TSPAN12: variants seen among roughly 807,000 people sequenced by gnomAD.
TSPAN12 encodes the protein tetraspanin 12.
A neutral mutation model predicts 39.2 loss-of-function variants in TSPAN12; 19 were observed. That is an observed-to-expected ratio of 0.49 (90% CI 0.34 to 0.71). The LOEUF (loss-of-function observed/expected upper bound fraction) is 0.71. Among genes scored for constraint, TSPAN12 ranks in the 30% least tolerant of loss-of-function variants. The pLI is 0.01. For synonymous variants in TSPAN12, 119 were observed against 124.8 expected, an observed-to-expected ratio of 0.95 and a Z score of 0.31; for missense variants, 314 against 359.9, an observed-to-expected ratio of 0.87 and a Z score of 1.03.
chr7:120,825,491 T>C (rs1245354972), intron 4 of TSPAN12, among the ~76,000 whole-genome samples: 7 of 152,188 alleles, frequency 4.6e-5, no homozygotes, highest in Admixed American at 4.6e-4. Flanking sequence ...CCTATCTACA[T>C]GCTACATAGC....
chr7:120,835,959 A>C (rs1167209752), intron 4 of TSPAN12, among the ~76,000 whole-genome samples: 2 of 152,190 alleles, frequency 1.3e-5, no homozygotes, highest in African/African-American at 4.8e-5. Flanking sequence ...AAAAAGCAAA[A>C]AATGGCAGAT....
intron 7 of TSPAN12, among the ~76,000 whole-genome samples, chr7:120,806,194 G>T (rs1793869985): frequency 6.6e-6 from 1 of 151,860 alleles, no homozygotes; most frequent in Admixed American, 6.6e-5. Flanking sequence ...TACGTATTCT[G>T]TCCAGGAACT....
intron 2 of TSPAN12, among the ~76,000 whole-genome samples, chr7:120,853,491 T>C (rs1422406357): frequency 7.0e-6 from 1 of 143,074 alleles, no homozygotes. Context: ...TATATATATA[T>C]ATACACACAC....
Position 120,815,759 on chromosome 7 carries a change from A to G in TSPAN12, c.330T>C (p.Cys110=). 1.2e-6 allele frequency: 2 copies of G among 1,613,118 alleles called. No homozygotes were observed. The highest frequency in any genetic ancestry group is 8.5e-7 in the Non-Finnish European group (1 of 1,179,626). ...LLVIFCVELA[C]GVWTYEQELM... ...GTTCCTGTTCATATGTCCAAACGCC[A>G]CAAGCCAGTTCTACACAGAAAATGA... Residue 110 remains cysteine (C), a synonymous_variant, in exon 5 of 8, where the codon TGT becomes TGC. Transcript: ENST00000222747.
chr7:120,825,246 T>C (rs1482897500), intron 4 of TSPAN12, among the ~76,000 whole-genome samples: 2 of 152,126 alleles, frequency 1.3e-5, no homozygotes, highest in Non-Finnish European at 2.9e-5. Flanking sequence ...AAGTAAAAAG[T>C]ATAAACAACA....
At chr7:120,817,426 G>A (rs138802377) in intron 4 of TSPAN12, among the ~76,000 whole-genome samples, 12 of 151,836 alleles carry the variant, frequency 7.9e-5, no homozygotes, top group African/African-American at 2.4e-4. Flanking sequence ...CCACATAGCC[G>A]AGGGTGGAAT....
At chr7:120,806,785 C>T (rs1472849104) in intron 6 of TSPAN12, 93 bp from the exon 7 acceptor site, 2 of 1,499,226 alleles carry the variant, frequency 1.3e-6, no homozygotes, top group African/African-American at 1.4e-5. Flanking sequence ...AATTTTTGTA[C>T]CCAGAGCTAT....
At position 120,810,540 on chromosome 7, in the gene TSPAN12, A is replaced by G; in HGVS notation, c.391T>C (p.Leu131=). Residue 131 remains leucine (L), a synonymous_variant, in exon 6 of 8, where the codon TTG becomes CTG. Coordinates refer to ENST00000222747, the MANE Select transcript of TSPAN12 (RefSeq NM_012338.4). ...CCATAATTTGTCATCCTGGCTTTCA[A>G]AGTGACCATATCTGACCATTGTACT... ...VPVQWSDMVT[L]KARMTNYGLP... The G allele has an allele frequency of 6.2e-7, 1 of 1,613,752 alleles. No individual in the cohort carries two copies. Among genetic ancestry groups the G allele is most frequent in the Non-Finnish European group, 8.5e-7 (1 of 1,179,844 alleles).
At chr7:120,855,201 G>A (rs1794848830) in intron 2 of TSPAN12, among the ~76,000 whole-genome samples, 1 of 152,112 alleles carries the variant, frequency 6.6e-6, no homozygotes, top group Non-Finnish European at 1.5e-5. Context: ...ACTCAGTAAG[G>A]GTCAAGTGAA....
chr7:120,838,288 T>TA (rs1794515406), intron 4 of TSPAN12, among the ~76,000 whole-genome samples: 1 of 152,278 alleles, frequency 6.6e-6, no homozygotes, highest in Admixed American at 6.5e-5. Flanking sequence ...CTCTCAGAGT[T>TA]AAAAAAACAA....
At chr7:120,792,814 A>T (rs1379038109) in intron 7 of TSPAN12, among the ~76,000 whole-genome samples, 1 of 152,262 alleles carries the variant, frequency 6.6e-6, no homozygotes, top group Non-Finnish European at 1.5e-5. Context: ...GTCACATTAT[A>T]TTATTTAAAA....
At chr7:120,818,152 G>C (rs1794120324) in intron 4 of TSPAN12, among the ~76,000 whole-genome samples, 1 of 152,062 alleles carries the variant, frequency 6.6e-6, no homozygotes, top group Non-Finnish European at 1.5e-5. Flanking sequence ...GAGCTAGCTA[G>C]TTAAAAACTC....
chr7:120,788,493 C>A lies in TSPAN12; in HGVS notation c.*99G>T. 3 of 1,449,120 alleles carry A rather than the reference C, an allele frequency of 2.1e-6. No homozygotes were observed. The highest frequency in any genetic ancestry group is 2.4e-5 in the South Asian group (2 of 85,004). The allele number at this position is 1,449,120 out of a possible 1,614,324, so 89.8% of individuals were successfully genotyped here. A position where few individuals can be genotyped will look rare whatever the true frequency, so the allele number is the denominator to read the frequency against. On this transcript the variant is annotated 3_prime_UTR_variant, in exon 8 of 8. Coordinates refer to ENST00000222747, the MANE Select transcript of TSPAN12 (RefSeq NM_012338.4). ...ATGCTTAGGTGTTATTTTATGGCAACATTTTTATTTCTACATATTTCTGAA... is the reference window on the plus strand; with the variant it reads ...ATGCTTAGGTGTTATTTTATGGCAAAATTTTTATTTCTACATATTTCTGAA...
intron 2 of TSPAN12, among the ~76,000 whole-genome samples, chr7:120,852,216 T>C (rs949062415): frequency 6.6e-6 from 1 of 151,360 alleles, no homozygotes; most frequent in Non-Finnish European, 1.5e-5. Flanking sequence ...CCTAGTGGGG[T>C]AGAAAAGGTA....
At chr7:120,838,498 G>A (rs1256847711) in intron 4 of TSPAN12, among the ~76,000 whole-genome samples, 5 of 152,164 alleles carry the variant, frequency 3.3e-5, no homozygotes, top group Non-Finnish European at 7.4e-5. Flanking sequence ...CTTTTTGAGT[G>A]CTAATAACTA....
chr7:120,799,020 T>C (rs1793689022), intron 7 of TSPAN12, among the ~76,000 whole-genome samples: 1 of 152,164 alleles, frequency 6.6e-6, no homozygotes, highest in Admixed American at 6.5e-5. Context: ...TTCTAATTCC[T>C]ACCTTTTCTT....
intron 4 of TSPAN12, among the ~76,000 whole-genome samples, chr7:120,830,857 C>G (rs1012796946): frequency 2.0e-5 from 3 of 151,854 alleles, no homozygotes; most frequent in African/African-American, 7.2e-5. Flanking sequence ...GAGTGAAACC[C>G]ATTGATTAGG....
intron 4 of TSPAN12, among the ~76,000 whole-genome samples, chr7:120,822,118 G>A (rs528055947): frequency 6.6e-6 from 1 of 152,178 alleles, no homozygotes; most frequent in Non-Finnish European, 1.5e-5. Flanking sequence ...AAGTATCTGA[G>A]GAGGAAAGGA....
intron 1 of TSPAN12, chr7:120,857,384 GGGGCGGGGGCGA>G (rs960684125): frequency 1.5e-4 from 23 of 156,106 alleles, no homozygotes; most frequent in Admixed American, 8.6e-4. Flanking sequence ...GGCGGGGGCG[GGGGCGGGGGCGA>G]GGGGGCAGCG....
Sources: gnomAD v4.1 joint callset for allele counts (sites outside exome capture counted in the v4.1 genomes callset) on GRCh38, gnomAD v4.1.1 for gene constraint, MANE v1.5 for transcripts, NCBI Gene and HGNC (gene_info 2026-07-23, HGNC 2026-07-21) for gene names.